The following ACACA variants were observed in gnomAD, a reference collection of about 807,000 sequenced individuals.
ACACA encodes acetyl-CoA carboxylase 1.
A neutral mutation model predicts 296.1 loss-of-function variants in ACACA; 103 were observed. The observed-to-expected ratio is 0.35, with a 90% confidence interval of 0.30 to 0.41. The LOEUF is 0.41. Ranked by LOEUF, ACACA falls within the 10% of genes least tolerant of loss-of-function variation. ACACA has a pLI of 1.00. For missense variants in ACACA, 1,554 were observed against 2,989.7 expected (o/e 0.52, Z 11.20); for synonymous variants, 953 against 1,038.6 (o/e 0.92, Z 1.58).
chr17:37,292,803 G>A (rs1007020237), intron 3 of ACACA, among the ~76,000 whole-genome samples: 2 of 152,222 alleles, frequency 1.3e-5, no homozygotes, highest in African/African-American at 4.8e-5. Flanking sequence ...GGCAGAGGTT[G>A]CAGTGAGCTG....
At chr17:37,124,969 A>C (rs2074707309) in intron 48 of ACACA, among the ~76,000 whole-genome samples, 1 of 152,210 alleles carries the variant, frequency 6.6e-6, no homozygotes. Context: ...CCCCAGAGGA[A>C]GGTGAGCTCC....
intron 11 of ACACA, among the ~76,000 whole-genome samples, chr17:37,261,813 A>G (rs2081525609): frequency 6.6e-6 from 1 of 152,104 alleles, no homozygotes; most frequent in Non-Finnish European, 1.5e-5. Context: ...CTATGGACCA[A>G]CGATTGCTAT....
At chr17:37,258,127 G>C in intron 13 of ACACA, 85 bp downstream of exon 13, 2 of 1,505,058 alleles carry the variant, frequency 1.3e-6, no homozygotes, top group South Asian at 2.3e-5. Flanking sequence ...GAAGTCCCAA[G>C]ATATTTCAGA....
intron 3 of ACACA, among the ~76,000 whole-genome samples, chr17:37,296,937 G>T: frequency 6.7e-6 from 1 of 148,462 alleles, no homozygotes; most frequent in Non-Finnish European, 1.5e-5. Context: ...GGCTGGTCTC[G>T]AACTCCTGGC....
chr17:37,180,143 G>A (rs1278624358), intron 40 of ACACA, among the ~76,000 whole-genome samples: 2 of 152,098 alleles, frequency 1.3e-5, no homozygotes, highest in Admixed American at 1.3e-4. Context: ...CTGTGTTTAT[G>A]CCTATTATAT....
intron 25 of ACACA, among the ~76,000 whole-genome samples, chr17:37,231,686 C>T (rs116347524): frequency 0.015 from 2,238 of 152,118 alleles, 57 homozygotes; most frequent in African/African-American, 0.049. Context: ...TCATGTGGAC[C>T]GTATCAAAAA....
intron 2 of ACACA, among the ~76,000 whole-genome samples, chr17:37,335,475 T>C (rs1188679975): frequency 6.6e-6 from 1 of 152,190 alleles, no homozygotes; most frequent in East Asian, 1.9e-4. Context: ...CAGGAATATT[T>C]TTTGTCTGTG....
chr17:37,113,778 C>T lies in ACACA; in HGVS notation c.6275-513G>A, dbSNP rs1005799686. On this transcript the variant is annotated intron_variant, in intron 50 of 55. Coordinates refer to ENST00000616317, the MANE Select transcript of ACACA (RefSeq NM_198834.3). This position sits in a 1 kb window ranked among gnomAD's most constrained non-coding sequence, Gnocchi z 4.0. ...AAAACTATTTTTCATCTTGGTATCC[C>T]GATATCCCTGCCCAGTGCCTGAACA... Among the ~76,000 whole-genome samples, 7 of 152,110 alleles carry T rather than the reference C, an allele frequency of 4.6e-5. No individual in the cohort carries two copies. Among genetic ancestry groups the T allele is most frequent in the African/African-American group, 1.2e-4 (5 of 41,416 alleles).
At chr17:37,315,051 C>T (rs1444210531) in intron 3 of ACACA, among the ~76,000 whole-genome samples, 1 of 147,048 alleles carries the variant, frequency 6.8e-6, no homozygotes, top group Non-Finnish European at 1.5e-5. Flanking sequence ...CTCCACCTCC[C>T]GGGTTCAAGC....
chr17:37,151,808 C>T (rs1388499816), intron 43 of ACACA, among the ~76,000 whole-genome samples: 1 of 152,014 alleles, frequency 6.6e-6, no homozygotes, highest in African/African-American at 2.4e-5. Context: ...ACTACAGGCG[C>T]CCGCCACCAC....
chr17:37,391,961 C>A (rs764686562), intron 1 of ACACA: 14 of 536,316 alleles, frequency 2.6e-5, no homozygotes, highest in Non-Finnish European at 4.0e-5. Flanking sequence ...ACCTTTCCAT[C>A]CCCTCAAACG....
At chr17:37,304,652 G>C (rs2083783620) in intron 3 of ACACA, among the ~76,000 whole-genome samples, 1 of 151,954 alleles carries the variant, frequency 6.6e-6, no homozygotes, top group African/African-American at 2.4e-5. Flanking sequence ...AATTAGCTGG[G>C]CGTGGTGGTG....
rs117404138 is a variant in ACACA at position 37,093,337 on chromosome 17, G to A, written c.6891+3659C>T. On this transcript the variant is annotated intron_variant, in intron 54 of 55. Coordinates refer to ENST00000616317, the MANE Select transcript of ACACA (RefSeq NM_198834.3). ...ATGAGAGCATGCCAAACCAAAGAGC[G>A]TCTGAGCACCCACTGTGCTCAGGAG... is the stretch of plus-strand genomic sequence containing the variant. 2.0e-3 allele frequency among the ~76,000 whole-genome samples: 303 copies of A among 152,304 alleles called. 1 individual carries two copies. Among genetic ancestry groups the A allele is most frequent in the Middle Eastern group, 6.8e-3 (2 of 294 alleles).
rs146020952 is a variant in ACACA at position 37,262,874 on chromosome 17, C to T, written c.1329+811G>A. 1.6e-3 allele frequency among the ~76,000 whole-genome samples: 241 copies of T among 152,102 alleles called. 1 individual carries two copies. The highest frequency in any genetic ancestry group is 5.6e-3 in the African/African-American group (231 of 41,506). ...CCTCCCAAGCAGCTGAGAGTACAGA[C>T]GTGTGCCATGACACTCAGCTAATTT... On this transcript the variant is annotated intron_variant, in intron 11 of 55. Transcript: ENST00000616317.
rs76318424 is a variant in ACACA at position 37,112,157 on chromosome 17, G to A, written c.6453-514C>T. ...ACACACTAAGCCAGGCCAAGTAGGA[G>A]GTAAAACATTCTGCCCAGCGCTATG... On this transcript the variant is annotated intron_variant, in intron 51 of 55. Coordinates refer to ENST00000616317, the MANE Select transcript of ACACA (RefSeq NM_198834.3). 6.9e-3 allele frequency among the ~76,000 whole-genome samples: 1,049 copies of A among 152,054 alleles called. 11 individuals carry two copies. Among genetic ancestry groups the A allele is most frequent in the African/African-American group, 0.024 (1,002 of 41,452 alleles).
chr17:37,140,959 G>A, intron 45 of ACACA: 1 of 350,378 alleles, frequency 2.9e-6, no homozygotes. Flanking sequence ...AATGGTGTGG[G>A]CCTTCTTCTC....
chr17:37,212,599 A>T (rs1195391972), intron 29 of ACACA, among the ~76,000 whole-genome samples: 1 of 152,128 alleles, frequency 6.6e-6, no homozygotes, highest in African/African-American at 2.4e-5. Flanking sequence ...CTATTAACAG[A>T]TAAATATTTG....
chr17:37,157,614 C>T (rs895283205), intron 42 of ACACA, among the ~76,000 whole-genome samples: 1 of 143,356 alleles, frequency 7.0e-6, no homozygotes, highest in Non-Finnish European at 1.5e-5. Flanking sequence ...TGACTCACTG[C>T]AACCTCTGCC....
At chr17:37,109,005 T>A (rs1232066496) in intron 52 of ACACA, among the ~76,000 whole-genome samples, 1 of 152,248 alleles carries the variant, frequency 6.6e-6, no homozygotes, top group Non-Finnish European at 1.5e-5. Flanking sequence ...TTTTGTATCT[T>A]AGATGATTCA....
Sources: gnomAD v4.1 joint callset for allele counts (sites outside exome capture counted in the v4.1 genomes callset) on GRCh38, gnomAD v4.1.1 for gene constraint, Gnocchi (gnomAD v3.1) non-coding constraint, MANE v1.5 for transcripts, NCBI Gene and HGNC (gene_info 2026-07-23, HGNC 2026-07-21) for gene names.